The following CRYBG2 variants were observed in gnomAD, a reference collection of about 807,000 sequenced individuals.
CRYBG2 encodes beta/gamma crystallin domain-containing protein 2.
Under a neutral mutation model 153.4 loss-of-function variants are expected in CRYBG2, and 106 were observed. The observed-to-expected ratio is 0.69, with a 90% confidence interval of 0.59 to 0.81. The LOEUF (loss-of-function observed/expected upper bound fraction) is 0.81. Ranked by LOEUF, CRYBG2 falls within the 30% of genes least tolerant of loss-of-function variation. The pLI is 0.00. For missense variants in CRYBG2, 1,996 were observed against 2,112.0 expected (o/e 0.95, Z 1.08); for synonymous variants, 851 against 877.8 (o/e 0.97, Z 0.54).
chr1:26,328,018 T>C (rs1225357542), intron 17 of CRYBG2, among the ~76,000 whole-genome samples, 191 bp downstream of exon 17: 1 of 151,766 alleles, frequency 6.6e-6, no homozygotes, highest in Non-Finnish European at 1.5e-5. Flanking sequence ...TAAAAGACTT[T>C]TAAAAAGAGA....
chr1:26,338,164 A>G lies in CRYBG2; in HGVS notation c.3472-117T>C, dbSNP rs1426874744. The G allele has an allele frequency of 9.0e-6, 13 of 1,450,118 alleles. No homozygotes were observed. The African/African-American group carries it at 1.7e-4, about 19-fold the overall frequency. 89.8% of individuals were successfully genotyped at this position (1,450,118 alleles called of 1,614,324 possible). On this transcript the variant is annotated intron_variant, in intron 7 of 19. Coordinates refer to ENST00000308182, the MANE Select transcript of CRYBG2 (RefSeq NM_001039775.4). ...AACCCCATGTCTTCCCTTTTCCCCT[A>G]CCTCTTAGGTTAATCCCTACCTCTC...
chr1:26,333,922 A>T (rs2074025660), intron 14 of CRYBG2, among the ~76,000 whole-genome samples: 1 of 152,160 alleles, frequency 6.6e-6, no homozygotes, highest in Admixed American at 6.5e-5. Context: ...GGGCTCAAAC[A>T]ATCCTCCCAT....
chr1:26,338,888 C>T (rs2074094231), intron 6 of CRYBG2, among the ~76,000 whole-genome samples: 1 of 152,144 alleles, frequency 6.6e-6, no homozygotes, highest in Non-Finnish European at 1.5e-5. Context: ...TGTGCTATTC[C>T]CTCTGCCAGA....
At chr1:26,329,864 G>C (rs2124696142) in intron 15 of CRYBG2, among the ~76,000 whole-genome samples, 1 of 152,304 alleles carries the variant, frequency 6.6e-6, no homozygotes, top group South Asian at 2.1e-4. Context: ...TCCTGCTTCA[G>C]CCTCCCAAGT....
At chr1:26,337,041 CAGACCCCA>C (rs1253970058) in intron 10 of CRYBG2, 61 bp from the exon 11 acceptor site, 1 of 1,598,102 alleles carries the variant, frequency 6.3e-7, no homozygotes, top group Non-Finnish European at 8.5e-7. Context: ...TGGGAGTGCC[CAGACCCCA>C]GGGTCACAGC....
chr1:26,336,688 A>G lies in CRYBG2; in HGVS notation c.3956T>C (p.Val1319Ala). Residue 1319 changes from valine to alanine, a missense_variant, in exon 12 of 20, where the codon GTG becomes GCG. By Grantham distance (64) the Val-to-Ala change is moderately conservative. Coordinates refer to ENST00000308182, the MANE Select transcript of CRYBG2 (RefSeq NM_001039775.4). This position sits in a 1 kb window ranked among gnomAD's most constrained non-coding sequence, Gnocchi z 4.9. ...GTTACGATACACGCCCTTCTCCAGC[A>G]CGTACTGTTCCCCGGAGAAGCCCAC... Reference protein sequence around the residue: ...QEVGFSGEQYVLEKGVYRNCE... With the variant: ...QEVGFSGEQYALEKGVYRNCE... 1.9e-6 allele frequency: 3 copies of G among 1,567,810 alleles called. No homozygotes were observed. Among genetic ancestry groups the G allele is most frequent in the Non-Finnish European group, 2.6e-6 (3 of 1,155,992 alleles).
intron 5 of CRYBG2, among the ~76,000 whole-genome samples, chr1:26,342,002 C>T (rs1231142686): frequency 1.3e-5 from 2 of 152,166 alleles, no homozygotes; most frequent in Non-Finnish European, 2.9e-5. Context: ...ACTGTAAGTC[C>T]TGAAGGGCAA....
chr1:26,354,047 G>C lies in CRYBG2; in HGVS notation c.-67C>G, dbSNP rs965697039. ...ACACACAGACCGACCTCTACTCACA[G>C]TCTGCGTGGGGACCCAGGTGTCCAG... On this transcript the variant is annotated 5_prime_UTR_variant, in exon 1 of 20. Transcript: ENST00000308182. 8 of 399,512 alleles carry C rather than the reference G, an allele frequency of 2.0e-5. No individual in the cohort carries two copies. Among genetic ancestry groups the C allele is most frequent in the Non-Finnish European group, 2.6e-5 (6 of 226,458 alleles). 24.7% of individuals were successfully genotyped at this position (399,512 alleles called of 1,614,324 possible).
In CRYBG2 at chr1:26,322,306, G is replaced by C. The variant is rs923103382; in HGVS notation, c.4755C>G (p.Ser1585Arg). The change falls in exon 19 of 20, where the codon AGC (serine) becomes AGG (arginine). Residue 1585 changes from serine to arginine, a missense_variant. Ser to Arg is a moderately radical substitution (Grantham distance 110, BLOSUM62 -1). Coordinates refer to ENST00000308182, the MANE Select transcript of CRYBG2 (RefSeq NM_001039775.4). ...GGCTAGGGGGTCCAATCACCTGTAGGCTCATGGTGGGGGCCATCTGAGGCC... is the reference window on the plus strand; with the variant it reads ...GGCTAGGGGGTCCAATCACCTGTAGCCTCATGGTGGGGGCCATCTGAGGCC... ...LLKNQMAPTM[S>R]LQVIGPPSPG... is the part of the protein sequence containing the mutation. 6.2e-7 allele frequency: 1 copy of C among 1,612,400 alleles called. No individual in the cohort carries two copies. Among genetic ancestry groups the C allele is most frequent in the African/African-American group, 1.3e-5 (1 of 74,914 alleles).
chr1:26,337,157 C>A, intron 10 of CRYBG2, 96 bp downstream of exon 10: 4 of 1,573,028 alleles, frequency 2.5e-6, no homozygotes, highest in Non-Finnish European at 3.5e-6. Context: ...AGGGAGAACA[C>A]GGAGAGGGGG....
rs1002438817 is a variant in CRYBG2, at chr1:26,328,224, G to C, written c.4563C>G (p.Leu1521=). ...CGCTACCCACCTGCTTGATGGGGTA[G>C]AGGGAGCCCACCCTCTGGGTGCCGC... ...TYSGTQRVGS[L]YPIKQRRVYF... is the part of the protein sequence containing the mutation. The change falls in exon 17 of 20, where the codon CTC becomes CTG. Residue 1521 remains leucine, a synonymous_variant. Transcript: ENST00000308182. 11 of 1,565,002 alleles carry C rather than the reference G, an allele frequency of 7.0e-6. No individual in the cohort carries two copies. The highest frequency in any genetic ancestry group is 8.7e-6 in the Non-Finnish European group (10 of 1,154,870).
At chr1:26,348,605 G>T (rs1314985773) in intron 1 of CRYBG2, among the ~76,000 whole-genome samples, 6 of 152,014 alleles carry the variant, frequency 3.9e-5, no homozygotes, top group Non-Finnish European at 2.9e-5. Flanking sequence ...GCCCAGGCTG[G>T]AGTGCAGTGG....
At position 26,331,688 on chromosome 1, in the gene CRYBG2, T is replaced by C. The variant is rs1570175719; in HGVS notation, c.4185-70A>G. 2.5e-6 allele frequency: 4 copies of C among 1,581,486 alleles called. No homozygotes were observed. The South Asian group carries it at 3.4e-5, about 13-fold the overall frequency. On this transcript the variant is annotated intron_variant, in intron 14 of 19. Transcript: ENST00000308182. ...TTGGCCTGCCCAGGTTCCCCTGAGA[T>C]ACAGAAGAGGGAATGCAGACTTGAT... is the stretch of plus-strand genomic sequence containing the variant.
rs1286460830 is a variant in CRYBG2, at chr1:26,325,509, G to A, written c.4579-1199C>T. The stretch of plus-strand genomic sequence containing the variant: ...CGGGAGATGTAGGTTGCAGTGAGCC[G>A]AGATCACACCACTGCACTCCAGCCT... On this transcript the variant is annotated intron_variant, in intron 17 of 19. Transcript: ENST00000308182. The surrounding 1 kb of genome is among the most constrained non-coding windows in gnomAD (Gnocchi z 4.1). Among the ~76,000 whole-genome samples, 1 of 151,576 alleles carries A rather than the reference G, an allele frequency of 6.6e-6. No homozygotes were observed. Among genetic ancestry groups the A allele is most frequent in the Non-Finnish European group, 1.5e-5 (1 of 67,876 alleles).
intron 16 of CRYBG2, 172 bp from the exon 17 acceptor site, chr1:26,328,504 A>G (rs2073960128): frequency 5.0e-6 from 6 of 1,199,466 alleles, no homozygotes; most frequent in Admixed American, 5.3e-5. Flanking sequence ...TGGGAAGTAG[A>G]TTTGGGGTTT....
At chr1:26,323,082 C>CT (rs2073878821) in intron 18 of CRYBG2, among the ~76,000 whole-genome samples, 1 of 105,308 alleles carries the variant, frequency 9.5e-6, no homozygotes, top group Non-Finnish European at 2.2e-5. Context: ...ACTTTCTATT[C>CT]TCCTTTTTTT....
At chr1:26,347,325 A>C (rs1177456286) in intron 1 of CRYBG2, among the ~76,000 whole-genome samples, 1 of 115,168 alleles carries the variant, frequency 8.7e-6, no homozygotes, top group Admixed American at 1.3e-4. Flanking sequence ...ACAGAATCTC[A>C]CTCTGTTACC....
intron 9 of CRYBG2, 53 bp from the exon 10 acceptor site, chr1:26,337,432 A>G: frequency 6.2e-7 from 1 of 1,603,812 alleles, no homozygotes; most frequent in African/African-American, 1.3e-5. Context: ...AGGCCCATGG[A>G]TGAATGAGAC....
chr1:26,345,818 G>A lies in CRYBG2; in HGVS notation c.840C>T (p.Thr280=), dbSNP rs758403917. The stretch of plus-strand genomic sequence containing the variant: ...AGCTGTCTTTAAGCTCTGCTGTCCC[G>A]GTCTCAGGCAGCTGCCTCAAGGCTG... ...VGAALRQLPE[T]GTAELKDSSA... is the part of the protein sequence containing the mutation. Residue 280 remains threonine (T), a synonymous_variant, in exon 2 of 20, where the codon ACC becomes ACT. Coordinates refer to ENST00000308182, the MANE Select transcript of CRYBG2 (RefSeq NM_001039775.4). The A allele has an allele frequency of 3.0e-5, 48 of 1,596,476 alleles. No individual in the cohort carries two copies. Among genetic ancestry groups the A allele is most frequent in the South Asian group, 2.9e-4 (26 of 90,730 alleles).
Sources: gnomAD v4.1 joint callset for allele counts (sites outside exome capture counted in the v4.1 genomes callset) on GRCh38, gnomAD v4.1.1 for gene constraint, Gnocchi (gnomAD v3.1) non-coding constraint, MANE v1.5 for transcripts, NCBI Gene and HGNC (gene_info 2026-07-23, HGNC 2026-07-21) for gene names.